Variants in FAM149A observed in about 807,000 individuals in gnomAD.
FAM149A encodes protein FAM149A.
In FAM149A, 71 loss-of-function variants were observed where a neutral mutation model predicts 78.2. That is an observed-to-expected ratio of 0.91 (90% CI 0.75 to 1.11). FAM149A has a LOEUF of 1.11. FAM149A is among the 50% of genes least tolerant of loss of function. FAM149A has a pLI of 0.00. For synonymous variants in FAM149A, 446 were observed against 410.5 expected, an observed-to-expected ratio of 1.09 and a Z score of -1.04; for missense variants, 1,036 against 971.0, an observed-to-expected ratio of 1.07 and a Z score of -0.89.
At position 186,165,784 on chromosome 4, in the gene FAM149A, G is replaced by A. The variant is rs190358487; in HGVS notation, c.2010+320G>A. On this transcript the variant is annotated intron_variant, in intron 11 of 13. Coordinates refer to ENST00000389354, the MANE Select transcript of FAM149A (RefSeq NM_001367768.3). The stretch of plus-strand genomic sequence containing the variant: ...ATTTGGTCAGGAGACAGGCAGGTCC[G>A]CGTGGATCCTGCCACAGAAACTCTC... Among the ~76,000 whole-genome samples, 184 of 152,280 alleles carry A rather than the reference G, an allele frequency of 1.2e-3. 1 individual carries two copies. The highest frequency in any genetic ancestry group is 4.0e-3 in the African/African-American group (167 of 41,554).
chr4:186,152,159 G>C, intron 4 of FAM149A, 114 bp downstream of exon 4: 1 of 966,720 alleles, frequency 1.0e-6, no homozygotes, highest in Non-Finnish European at 1.6e-6. Context: ...GTCAGAATAT[G>C]GATGCAGAGC....
intron 13 of FAM149A, among the ~76,000 whole-genome samples, chr4:186,168,179 G>C (rs1036133348): frequency 6.6e-6 from 1 of 152,306 alleles, no homozygotes; most frequent in East Asian, 1.9e-4. Context: ...ATGTAGCATA[G>C]TGATGTCGAG....
chr4:186,144,924 G>GGCGGGCGCGGGC lies in FAM149A; in HGVS notation c.567-4223_567-4212dup, dbSNP rs749317405. The GGCGGGCGCGGGC allele has an allele frequency of 2.2e-4, 211 of 970,528 alleles. No individual in the cohort carries two copies. Among genetic ancestry groups the GGCGGGCGCGGGC allele is most frequent in the East Asian group, 7.4e-4 (6 of 8,068 alleles). 60.1% of individuals were successfully genotyped at this position (970,528 alleles called of 1,614,324 possible). On this transcript the variant is annotated intron_variant, in intron 1 of 13. Coordinates refer to ENST00000389354, the MANE Select transcript of FAM149A (RefSeq NM_001367768.3). This position sits in a 1 kb window ranked among gnomAD's most constrained non-coding sequence, Gnocchi z 4.2. The stretch of plus-strand genomic sequence containing the variant: ...GCCGCCTGAGCTGGGCCAGCCGCGC[G>GGCGGGCGCGGGC]GCGGGCGCGGGCGCGGGCGCGGGCG...
chr4:186,125,952 C>T (rs1338405749), intron 1 of FAM149A: 1 of 985,316 alleles, frequency 1.0e-6, no homozygotes, highest in Non-Finnish European at 1.2e-6. Flanking sequence ...ACAGCCTGTT[C>T]TCCAGCTGCC....
rs1489292327 is a variant in FAM149A, at chr4:186,174,593, A to AT, written c.*2607dup. 5.4e-5 allele frequency among the ~76,000 whole-genome samples: 6 copies of AT among 111,104 alleles called. 1 individual carries two copies. In the East Asian group the frequency reaches 1.1e-3, roughly 21 times the overall value. The allele number at this position is 111,104 out of a possible 152,430, so 72.9% of individuals were successfully genotyped here. A position where few individuals can be genotyped will look rare whatever the true frequency, so the allele number is the denominator to read the frequency against. ...TTGCAAATAAGAATCTATTATTTAT[A>AT]TATATATATTGGTAAAAGACAAAAT... On this transcript the variant is annotated 3_prime_UTR_variant, in exon 14 of 14. Transcript: ENST00000389354.
intron 8 of FAM149A, 182 bp downstream of exon 8, chr4:186,157,901 T>C (rs759007024): frequency 1.3e-6 from 2 of 1,534,552 alleles, no homozygotes; most frequent in South Asian, 1.2e-5. Flanking sequence ...TCACAATGCC[T>C]GGAGACCTGG....
At chr4:186,152,086 C>T (rs749869735) in intron 4 of FAM149A, 41 bp downstream of exon 4, 1 of 1,603,448 alleles carries the variant, frequency 6.2e-7, no homozygotes, top group Non-Finnish European at 8.5e-7. Context: ...GTGGGTTTTC[C>T]AAGCACCCAC....
At chr4:186,106,820 G>T (rs1381965332) in intron 1 of FAM149A, among the ~76,000 whole-genome samples, 1 of 152,060 alleles carries the variant, frequency 6.6e-6, no homozygotes, top group East Asian at 1.9e-4. Flanking sequence ...GGTGGTACGT[G>T]CCTGTAGTCC....
intron 1 of FAM149A, chr4:186,107,814 A>G (rs567109554): frequency 5.4e-4 from 82 of 152,374 alleles, no homozygotes; most frequent in African/African-American, 1.9e-3. Flanking sequence ...TACTGTCTGC[A>G]GCAGCAGGTA....
chr4:186,116,479 A>G (rs1027383270), intron 1 of FAM149A: 37 of 984,942 alleles, frequency 3.8e-5, no homozygotes, highest in Non-Finnish European at 4.3e-5. Flanking sequence ...GATAATAATG[A>G]ATTCAACTTG....
At chr4:186,125,611 C>T in intron 1 of FAM149A, 1 of 732,220 alleles carries the variant, frequency 1.4e-6, no homozygotes, top group East Asian at 1.3e-4. Flanking sequence ...GAGTCAACAG[C>T]ACAGGCTTGT....
chr4:186,129,195 G>C (rs2099319596), intron 1 of FAM149A, among the ~76,000 whole-genome samples: 1 of 151,970 alleles, frequency 6.6e-6, no homozygotes, highest in South Asian at 2.1e-4. Context: ...GTATGAGTGT[G>C]CATGTGTGTG....
chr4:186,140,091 G>A (rs972220033), intron 1 of FAM149A, among the ~76,000 whole-genome samples: 1 of 152,082 alleles, frequency 6.6e-6, no homozygotes, highest in Non-Finnish European at 1.5e-5. Context: ...AACTCTACAA[G>A]GAAGACAGTA....
intron 1 of FAM149A, among the ~76,000 whole-genome samples, chr4:186,131,302 C>T (rs139142655): frequency 3.3e-5 from 5 of 152,116 alleles, no homozygotes; most frequent in African/African-American, 1.2e-4. Context: ...GAGCTGAGAT[C>T]ATGCCACTGC....
Position 186,164,411 on chromosome 4 carries a change from GC to G in FAM149A, c.1889+780del. Reference sequence around the variant, plus strand: ...TTAGAGACCACCCACTGGACCCCCGGCCTGCAGGGGAGCTGTTATCAGGAGC... The same window carrying G: ...TTAGAGACCACCCACTGGACCCCCGGCTGCAGGGGAGCTGTTATCAGGAGC... On this transcript the variant is annotated intron_variant, in intron 10 of 13. Coordinates refer to ENST00000389354, the MANE Select transcript of FAM149A (RefSeq NM_001367768.3). This position sits in a 1 kb window ranked among gnomAD's most constrained non-coding sequence, Gnocchi z 4.0. 2 of 975,236 alleles carry G rather than the reference GC, an allele frequency of 2.1e-6. No homozygotes were observed. The highest frequency in any genetic ancestry group is 2.4e-6 in the Non-Finnish European group (2 of 820,570). The allele number at this position is 975,236 out of a possible 1,614,324, so 60.4% of individuals were successfully genotyped here.
chr4:186,149,830 C>A, intron 3 of FAM149A, 126 bp downstream of exon 3: 3 of 485,302 alleles, frequency 6.2e-6, no homozygotes, highest in Non-Finnish European at 9.4e-6. Flanking sequence ...CATGTACATA[C>A]ATGTAAAAGC....
chr4:186,151,454 A>T (rs985650498), intron 3 of FAM149A, among the ~76,000 whole-genome samples: 1 of 152,160 alleles, frequency 6.6e-6, no homozygotes, highest in African/African-American at 2.4e-5. Context: ...CTACAAAAGT[A>T]ATTTTCTTTT....
rs1157698626 is a variant in FAM149A at position 186,167,006 on chromosome 4, C to T, written c.2049C>T (p.Ala683=). Residue 683 remains alanine (A), a synonymous_variant, in exon 12 of 14, where the codon GCC becomes GCT. Transcript: ENST00000389354. Reference sequence around the variant, plus strand: ...ATCTACAAAACCGTGTGTTGAGTGCCATGCCTGACGGTACAGAACGATCGC... The same window carrying T: ...ATCTACAAAACCGTGTGTTGAGTGCTATGCCTGACGGTACAGAACGATCGC... The T allele has an allele frequency of 6.2e-7, 1 of 1,614,010 alleles. No individual in the cohort carries two copies. The highest frequency in any genetic ancestry group is 8.5e-7 in the Non-Finnish European group (1 of 1,179,936).
chr4:186,121,761 C>T (rs2099316163), intron 1 of FAM149A, among the ~76,000 whole-genome samples: 1 of 152,236 alleles, frequency 6.6e-6, no homozygotes, highest in African/African-American at 2.4e-5. Context: ...TGTCTGTCTT[C>T]ATTCTCTCTT....
Sources: gnomAD v4.1 joint callset for allele counts (sites outside exome capture counted in the v4.1 genomes callset) on GRCh38, gnomAD v4.1.1 for gene constraint, Gnocchi (gnomAD v3.1) non-coding constraint, MANE v1.5 for transcripts, NCBI Gene and HGNC (gene_info 2026-07-23, HGNC 2026-07-21) for gene names.